The following OXR1 variants were observed in gnomAD, a reference collection of about 807,000 sequenced individuals.
OXR1 encodes the protein oxidation resistance protein 1.
Under a neutral mutation model 104.6 loss-of-function variants are expected in OXR1, and 41 were observed. The ratio of observed to expected loss-of-function variants is 0.39; its 90% CI spans 0.31 to 0.51. OXR1 has a LOEUF of 0.51. Among genes scored for constraint, OXR1 ranks in the 20% least tolerant of loss-of-function variants. The pLI is 0.77. For missense variants in OXR1, 955 were observed against 1,031.9 expected, an observed-to-expected ratio of 0.93 and a Z score of 1.02; for synonymous variants, 348 against 348.4, an observed-to-expected ratio of 1.00 and a Z score of 0.01.
chr8:106,418,599 T>C (rs1214415297), intron 2 of OXR1, among the ~76,000 whole-genome samples: 2 of 152,128 alleles, frequency 1.3e-5, no homozygotes, highest in African/African-American at 4.8e-5. Flanking sequence ...TATATATCCT[T>C]GCTATGGAAC....
intron 2 of OXR1, among the ~76,000 whole-genome samples, chr8:106,491,870 T>C (rs376471010): frequency 6.6e-6 from 1 of 152,184 alleles, no homozygotes; most frequent in Admixed American, 6.5e-5. Flanking sequence ...TGCTAAGTTA[T>C]CTTTGTCACC....
intron 2 of OXR1, among the ~76,000 whole-genome samples, chr8:106,493,710 C>T (rs1586717925): frequency 6.6e-6 from 1 of 152,038 alleles, no homozygotes; most frequent in African/African-American, 2.4e-5. Context: ...GGCTTAGGAT[C>T]GGCTAATTGA....
chr8:106,452,414 C>A (rs548534632), intron 2 of OXR1, among the ~76,000 whole-genome samples: 126 of 152,178 alleles, frequency 8.3e-4, no homozygotes, highest in South Asian at 3.1e-3. Flanking sequence ...TATAAAATTT[C>A]TTTAAAATAT....
At chr8:106,285,573 C>T (rs1457601109) in intron 1 of OXR1, among the ~76,000 whole-genome samples, 2 of 151,750 alleles carry the variant, frequency 1.3e-5, no homozygotes, top group Non-Finnish European at 2.9e-5. Context: ...ACAGCTTGTG[C>T]TGAAACAGCT....
intron 1 of OXR1, among the ~76,000 whole-genome samples, chr8:106,299,098 C>T (rs1813126146): frequency 1.3e-5 from 2 of 152,026 alleles, no homozygotes; most frequent in African/African-American, 4.8e-5. Flanking sequence ...CACAAAAGTT[C>T]ATTGCTCACT....
At chr8:106,723,623 G>GA (rs1233506563) in intron 11 of OXR1, among the ~76,000 whole-genome samples, 1 of 152,020 alleles carries the variant, frequency 6.6e-6, no homozygotes, top group Non-Finnish European at 1.5e-5. Flanking sequence ...AGTGAGCAGA[G>GA]ATCATGTCAT....
chr8:106,714,114 C>T (rs550679338), intron 11 of OXR1, 129 bp downstream of exon 11: 12 of 629,354 alleles, frequency 1.9e-5, no homozygotes, highest in East Asian at 9.8e-5. Flanking sequence ...GTTCACTATC[C>T]GTGTTTATTT....
intron 3 of OXR1, among the ~76,000 whole-genome samples, chr8:106,534,103 C>T (rs1232900767): frequency 6.6e-6 from 1 of 152,060 alleles, no homozygotes; most frequent in Non-Finnish European, 1.5e-5. Context: ...TTAATGTGCA[C>T]GGGGGATCTT....
At chr8:106,512,746 G>A (rs1226849152) in intron 2 of OXR1, among the ~76,000 whole-genome samples, 1 of 152,114 alleles carries the variant, frequency 6.6e-6, no homozygotes, top group East Asian at 1.9e-4. Context: ...GATGATGATA[G>A]AAGGGTGGAG....
chr8:106,690,295 C>T (rs1453585173), intron 6 of OXR1, among the ~76,000 whole-genome samples: 2 of 150,968 alleles, frequency 1.3e-5, no homozygotes, highest in Non-Finnish European at 1.5e-5. Flanking sequence ...ATATATACTA[C>T]ATTCATATTA....
At chr8:106,662,154 A>G (rs982653051) in intron 3 of OXR1, among the ~76,000 whole-genome samples, 1 of 152,224 alleles carries the variant, frequency 6.6e-6, no homozygotes, top group African/African-American at 2.4e-5. Flanking sequence ...TGGGACATTA[A>G]CATCTGGTAA....
intron 3 of OXR1, 113 bp downstream of exon 3, chr8:106,519,252 T>C: frequency 1.5e-6 from 1 of 670,210 alleles, no homozygotes; most frequent in South Asian, 2.2e-5. Context: ...TGTAAATCTT[T>C]CTGATGGTTT....
intron 1 of OXR1, among the ~76,000 whole-genome samples, chr8:106,307,386 G>T (rs903426921): frequency 2.0e-5 from 3 of 152,072 alleles, no homozygotes; most frequent in Admixed American, 2.0e-4. Context: ...TGCCCCTCTA[G>T]CCTTATATTT....
rs1253769521 is a variant in OXR1, at chr8:106,750,844, A to G, written c.2525A>G (p.His842Arg). 1.2e-6 allele frequency: 2 copies of G among 1,609,792 alleles called. No homozygotes were observed. Among genetic ancestry groups the G allele is most frequent in the Non-Finnish European group, 1.7e-6 (2 of 1,177,034 alleles). ...CTTTGGCTTGATGGAGATCTCTACC[A>G]TGGAAGAAGCCATTCTTGTAAAACG... ...FALWLDGDLYHGRSHSCKTFG... is the reference protein window; with the variant it reads ...FALWLDGDLYRGRSHSCKTFG... The change falls in exon 17 of 17, where the codon CAT (histidine) becomes CGT (arginine). Residue 842 changes from histidine (H) to arginine (R), a missense_variant. This residue lies in a region of OXR1 where 106 missense variants were observed against 179.0 expected (regional missense o/e 0.59). Transcript: ENST00000517566.
intron 1 of OXR1, 145 bp from the exon 2 acceptor site, chr8:106,359,331 T>C (rs779115602): frequency 4.5e-5 from 15 of 331,078 alleles, no homozygotes; most frequent in Non-Finnish European, 8.3e-5. Context: ...TTTGGTTTAT[T>C]ACATGTCTTA....
At chr8:106,657,866 G>C in intron 3 of OXR1, 1 of 1,241,688 alleles carries the variant, frequency 8.1e-7, no homozygotes, top group Non-Finnish European at 1.0e-6. Flanking sequence ...CTCTTGTGAG[G>C]CGCGCGGAGC....
chr8:106,661,621 G>A (rs1467909442), intron 3 of OXR1, among the ~76,000 whole-genome samples: 2 of 152,066 alleles, frequency 1.3e-5, no homozygotes, highest in Non-Finnish European at 2.9e-5. Flanking sequence ...TACTAGTGTA[G>A]ACTCTCAACT....
chr8:106,339,653 C>T (rs1003106604), intron 1 of OXR1, among the ~76,000 whole-genome samples: 1 of 149,896 alleles, frequency 6.7e-6, no homozygotes, highest in Non-Finnish European at 1.5e-5. Flanking sequence ...CATACTGGCT[C>T]TTTAGCTGTA....
Position 106,737,536 on chromosome 8 carries a change from A to G in OXR1, c.1973A>G (p.Glu658Gly), listed in dbSNP as rs988760737. 7.7e-7 allele frequency: 1 copy of G among 1,298,198 alleles called. No homozygotes were observed. The highest frequency in any genetic ancestry group is 2.7e-5 in the Admixed American group (1 of 36,588). The allele number at this position is 1,298,198 out of a possible 1,614,324, so 80.4% of individuals were successfully genotyped here. A position where few individuals can be genotyped will look rare whatever the true frequency, so the allele number is the denominator to read the frequency against. The change falls in exon 12 of 17, where the codon GAG (glutamate) becomes GGG (glycine). Residue 658 changes from glutamate (E) to glycine (G), a missense_variant. Physicochemically the swap from Glu to Gly is moderately conservative, Grantham distance 98. Around this residue, in one of 2 missense-constraint regions of OXR1, gnomAD observed 849 missense variants for 852.9 expected, o/e 1.00. Transcript: ENST00000517566. ...AREWEVVSVAEYHRRIDALNT... is the reference protein window; with the variant it reads ...AREWEVVSVAGYHRRIDALNT... ...CATATTTAGGTAGTGTCAGTGGCTGAGTATCACCGCAGGATCGATGCTCTA... is the reference window on the plus strand; with the variant it reads ...CATATTTAGGTAGTGTCAGTGGCTGGGTATCACCGCAGGATCGATGCTCTA...
Sources: allele counts gnomAD v4.1 joint callset (sites outside exome capture counted in the v4.1 genomes callset), GRCh38; gene constraint gnomAD v4.1.1; regional missense constraint gnomAD v4.1.1; transcripts MANE v1.5; gene names NCBI Gene and HGNC (gene_info 2026-07-23, HGNC 2026-07-21).